PKHD1: variants seen among roughly 807,000 people sequenced by gnomAD.
PKHD1 encodes fibrocystin.
A neutral mutation model predicts 412.0 loss-of-function variants in PKHD1; 291 were observed. The observed-to-expected ratio is 0.71, with a 90% CI of 0.64 to 0.78. PKHD1 has a LOEUF of 0.78. PKHD1 is among the 30% of genes least tolerant of loss of function. The pLI is 0.00. For synonymous variants in PKHD1, 1,777 were observed against 1,821.5 expected (o/e 0.98, Z 0.62); for missense variants, 4,825 against 4,950.7 (o/e 0.97, Z 0.76).
rs57735523 is a variant in PKHD1 at position 51,891,819 on chromosome 6, T to C, written c.6997-4574A>G. Among the ~76,000 whole-genome samples the C allele has an allele frequency of 7.1e-3, 1,071 of 151,624 alleles. 12 individuals are homozygous for C. The highest frequency in any genetic ancestry group is 0.024 in the African/African-American group (1,012 of 41,316). On this transcript the variant is annotated intron_variant, in intron 43 of 66. Coordinates refer to ENST00000371117, the MANE Select transcript of PKHD1 (RefSeq NM_138694.4). ...TGCTCTTAACCCAATAACGCCCAAT[T>C]CCCTGCCTTGTGTGACAGAAAGAAC...
At chr6:51,686,790 G>A (rs1036338512) in intron 60 of PKHD1, among the ~76,000 whole-genome samples, 11 of 152,100 alleles carry the variant, frequency 7.2e-5, no homozygotes, top group South Asian at 4.1e-4. Context: ...GCATCCATTC[G>A]TTTTCAATGA....
intron 26 of PKHD1, among the ~76,000 whole-genome samples, 173 bp from the exon 27 acceptor site, chr6:52,043,307 T>C (rs1430183500): frequency 6.6e-6 from 1 of 152,214 alleles, no homozygotes; most frequent in Non-Finnish European, 1.5e-5. Context: ...GTTATTGTAG[T>C]ACACAGCCCC....
chr6:52,024,158 G>C (rs1255647407), intron 32 of PKHD1, among the ~76,000 whole-genome samples: 4 of 152,144 alleles, frequency 2.6e-5, no homozygotes, highest in Admixed American at 2.6e-4. Flanking sequence ...GAGTCCACCT[G>C]TGAAATATTA....
intron 55 of PKHD1, among the ~76,000 whole-genome samples, chr6:51,763,293 T>C (rs1788358645): frequency 1.3e-5 from 2 of 152,084 alleles, no homozygotes; most frequent in East Asian, 3.9e-4. Flanking sequence ...GTAAAATGCT[T>C]AGTAGAGGCC....
At chr6:52,072,556 C>T (rs1169737207) in intron 7 of PKHD1, among the ~76,000 whole-genome samples, 1 of 152,168 alleles carries the variant, frequency 6.6e-6, no homozygotes, top group Non-Finnish European at 1.5e-5. Flanking sequence ...AAATATGGCA[C>T]ATTCCCAAGG....
intron 27 of PKHD1, among the ~76,000 whole-genome samples, chr6:52,036,645 T>C (rs1365853257): frequency 6.6e-6 from 1 of 152,054 alleles, no homozygotes; most frequent in Non-Finnish European, 1.5e-5. Context: ...TGTGACTCGG[T>C]GGACTAGTAC....
At chr6:51,815,432 C>T (rs771394700) in intron 52 of PKHD1, among the ~76,000 whole-genome samples, 2 of 150,516 alleles carry the variant, frequency 1.3e-5, no homozygotes, top group African/African-American at 2.5e-5. Flanking sequence ...TGTTAAAGGA[C>T]AAAAATAAAT....
At chr6:51,704,937 T>C (rs1214729170) in intron 60 of PKHD1, among the ~76,000 whole-genome samples, 1 of 151,790 alleles carries the variant, frequency 6.6e-6, no homozygotes, top group African/African-American at 2.4e-5. Flanking sequence ...ATTGGAGGTA[T>C]AGGTAGAAGA....
intron 53 of PKHD1, among the ~76,000 whole-genome samples, chr6:51,778,031 C>T (rs1174796318): frequency 1.3e-5 from 2 of 152,036 alleles, no homozygotes; most frequent in Non-Finnish European, 2.9e-5. Flanking sequence ...GAAATACATG[C>T]TATTGCAACA....
At chr6:51,625,491 G>A (rs886453087) in intron 66 of PKHD1, among the ~76,000 whole-genome samples, 10 of 152,050 alleles carry the variant, frequency 6.6e-5, no homozygotes, top group East Asian at 1.9e-4. Context: ...AGGAGGATTC[G>A]GATAACACAT....
chr6:51,897,775 T>C (rs370094114), intron 43 of PKHD1, among the ~76,000 whole-genome samples: 40 of 142,464 alleles, frequency 2.8e-4, no homozygotes, highest in South Asian at 9.9e-4. Context: ...ACCCATCTCA[T>C]GTGCAGAGAC....
chr6:51,880,778 T>TA (rs1777137313), intron 46 of PKHD1, among the ~76,000 whole-genome samples: 1 of 10,550 alleles, frequency 9.5e-5, no homozygotes, highest in African/African-American at 6.4e-4. Context: ...AAAAAAAAAA[T>TA]TAAAAAAAAA....
chr6:52,019,220 G>C (rs1465909862), intron 33 of PKHD1, among the ~76,000 whole-genome samples: 1 of 152,222 alleles, frequency 6.6e-6, no homozygotes, highest in African/African-American at 2.4e-5. Flanking sequence ...TGTGGGTAAT[G>C]CAACAGAGGT....
At chr6:51,688,078 T>C (rs1233190983) in intron 60 of PKHD1, among the ~76,000 whole-genome samples, 1 of 152,240 alleles carries the variant, frequency 6.6e-6, no homozygotes, top group Middle Eastern at 3.2e-3. Context: ...GTACATGTCA[T>C]TGACAGCAGT....
chr6:51,982,186 G>T (rs1204590349), intron 35 of PKHD1, among the ~76,000 whole-genome samples: 6 of 18,834 alleles, frequency 3.2e-4, no homozygotes, highest in African/African-American at 7.1e-4. Context: ...GGAGGGAGGT[G>T]GGGGGGTCAG....
At chr6:51,868,702 C>G (rs965559420) in intron 47 of PKHD1, among the ~76,000 whole-genome samples, 4 of 152,072 alleles carry the variant, frequency 2.6e-5, no homozygotes, top group Non-Finnish European at 4.4e-5. Flanking sequence ...GAGTCTAACC[C>G]CTCCAATACC....
At chr6:51,944,263 C>T (rs1789081473) in intron 36 of PKHD1, among the ~76,000 whole-genome samples, 2 of 151,040 alleles carry the variant, frequency 1.3e-5, no homozygotes, top group Admixed American at 1.3e-4. Context: ...CAGAGAACAA[C>T]CCCCCTTTTT....
At chr6:51,697,568 A>G (rs1582142213) in intron 60 of PKHD1, among the ~76,000 whole-genome samples, 1 of 152,230 alleles carries the variant, frequency 6.6e-6, no homozygotes, top group East Asian at 1.9e-4. Context: ...GCCTCCATCC[A>G]CTAAACGCCC....
intron 32 of PKHD1, 45 bp downstream of exon 32, chr6:52,024,528 AT>A (rs1801848881): frequency 5.8e-6 from 9 of 1,557,442 alleles, no homozygotes; most frequent in Non-Finnish European, 8.0e-6. Flanking sequence ...GGAGCTACCA[AT>A]TCATTTACAT....
Sources: gnomAD v4.1 joint callset for allele counts (sites outside exome capture counted in the v4.1 genomes callset) on GRCh38, gnomAD v4.1.1 for gene constraint, MANE v1.5 for transcripts, NCBI Gene and HGNC (gene_info 2026-07-23, HGNC 2026-07-21) for gene names.